The following LPP variants were observed in gnomAD, a reference collection of about 807,000 sequenced individuals.
LPP encodes lipoma-preferred partner.
Under a neutral mutation model 60.4 loss-of-function variants are expected in LPP, and 38 were observed. The observed-to-expected ratio is 0.63, with a 90% CI of 0.49 to 0.83. The LOEUF (loss-of-function observed/expected upper bound fraction) is 0.83. Ranked by LOEUF, LPP falls within the 40% of genes least tolerant of loss-of-function variation. LPP has a pLI of 0.00. For missense variants in LPP, 902 were observed against 783.6 expected (o/e 1.15, Z -1.80); for synonymous variants, 328 against 290.8 (o/e 1.13, Z -1.30).
chr3:188,485,747 A>C (rs992352338), intron 5 of LPP, among the ~76,000 whole-genome samples: 9 of 132,108 alleles, frequency 6.8e-5, no homozygotes, highest in Non-Finnish European at 1.3e-4. Context: ...CAGTGAGCCG[A>C]GATCGCACCA....
intron 9 of LPP, among the ~76,000 whole-genome samples, chr3:188,851,945 T>G (rs768754750): frequency 2.4e-4 from 37 of 152,126 alleles, no homozygotes; most frequent in Non-Finnish European, 5.1e-4. Flanking sequence ...GGCAGATCAC[T>G]TGAGGCCGGG....
At chr3:188,350,160 A>C (rs1489308688) in intron 3 of LPP, among the ~76,000 whole-genome samples, 1 of 152,164 alleles carries the variant, frequency 6.6e-6, no homozygotes, top group Non-Finnish European at 1.5e-5. Flanking sequence ...CATTTACTCA[A>C]CACCTACAAG....
At chr3:188,354,897 T>G (rs1459022482) in intron 3 of LPP, among the ~76,000 whole-genome samples, 6 of 152,124 alleles carry the variant, frequency 3.9e-5, no homozygotes, top group Admixed American at 3.9e-4. Context: ...CTTCCTCAAT[T>G]CAAACCTGTC....
At chr3:188,800,587 T>C (rs1178152413) in intron 9 of LPP, among the ~76,000 whole-genome samples, 1 of 152,162 alleles carries the variant, frequency 6.6e-6, no homozygotes, top group Non-Finnish European at 1.5e-5. Context: ...GTTTTCCAAG[T>C]CAAAAGTGTA....
At chr3:188,224,002 CT>C (rs1345409467) in intron 1 of LPP, among the ~76,000 whole-genome samples, 1 of 152,146 alleles carries the variant, frequency 6.6e-6, no homozygotes, top group Non-Finnish European at 1.5e-5. Context: ...TACTTAATTT[CT>C]GTCTGCTGTT....
At chr3:188,353,221 C>T (rs1766470850) in intron 3 of LPP, among the ~76,000 whole-genome samples, 1 of 152,164 alleles carries the variant, frequency 6.6e-6, no homozygotes. Context: ...GCCTTTCTCC[C>T]TTCCACTTTT....
chr3:188,717,058 T>C (rs1208442070), intron 8 of LPP, among the ~76,000 whole-genome samples: 4 of 152,196 alleles, frequency 2.6e-5, no homozygotes, highest in African/African-American at 9.7e-5. Flanking sequence ...ATTTGGGATA[T>C]GAAGAAATGA....
chr3:188,678,013 G>A (rs114724532), intron 7 of LPP, among the ~76,000 whole-genome samples: 2,147 of 152,220 alleles, frequency 0.014, 21 homozygotes, highest in Non-Finnish European at 0.021. Flanking sequence ...ATGTGGAAAC[G>A]GCCAAATCTT....
intron 5 of LPP, among the ~76,000 whole-genome samples, chr3:188,492,739 C>T (rs553267878): frequency 1.3e-3 from 205 of 152,090 alleles, no homozygotes; most frequent in Admixed American, 6.2e-3. Flanking sequence ...AAAAATCAAA[C>T]GATGTAGATT....
chr3:188,592,880 TG>T (rs1839204306), intron 6 of LPP, among the ~76,000 whole-genome samples: 1 of 152,072 alleles, frequency 6.6e-6, no homozygotes, highest in Non-Finnish European at 1.5e-5. Flanking sequence ...CACGAGGGCT[TG>T]CCTAGCTCTC....
chr3:188,681,097 A>T (rs181551655), intron 7 of LPP, among the ~76,000 whole-genome samples: 1 of 151,524 alleles, frequency 6.6e-6, no homozygotes, highest in Non-Finnish European at 1.5e-5. Flanking sequence ...CCTGGGTTCA[A>T]GTGATTCTCC....
rs535097340 is a variant in LPP at position 188,885,162 on chromosome 3, C to G, written c.*10683C>G. 1 of 210,696 alleles carries G rather than the reference C, an allele frequency of 4.7e-6. No homozygotes were observed. The highest frequency in any genetic ancestry group is 1.9e-4 in the South Asian group (1 of 5,322). The allele number at this position is 210,696 out of a possible 1,614,324, so 13.1% of individuals were successfully genotyped here. On this transcript the variant is annotated 3_prime_UTR_variant, in exon 12 of 12. Coordinates refer to ENST00000617246, the MANE Select transcript of LPP (RefSeq NM_001375462.1). ...TTATTTCCTCTCATTTCACTCCTTTCATTGTTTGCTATATCCTAAAATATG... is the reference window on the plus strand; with the variant it reads ...TTATTTCCTCTCATTTCACTCCTTTGATTGTTTGCTATATCCTAAAATATG...
chr3:188,416,963 A>G (rs1560376607), intron 4 of LPP, among the ~76,000 whole-genome samples: 3 of 152,142 alleles, frequency 2.0e-5, no homozygotes, highest in Admixed American at 6.6e-5. Context: ...CAAATATACC[A>G]TATAAAGAAA....
In LPP at chr3:188,392,437, G is replaced by A. The variant is rs7613573; in HGVS notation, c.-9-13675G>A. 4.6e-3 allele frequency among the ~76,000 whole-genome samples: 697 copies of A among 152,144 alleles called. 9 individuals carry two copies. The highest frequency in any genetic ancestry group is 0.015 in the African/African-American group (637 of 41,494). Reference sequence around the variant, plus strand: ...CTACCTTCTATGCTGTTGCTCCCTCGCTGCACTGTTTTGACCCCACTTTCC... The same window carrying A: ...CTACCTTCTATGCTGTTGCTCCCTCACTGCACTGTTTTGACCCCACTTTCC... On this transcript the variant is annotated intron_variant, in intron 3 of 11. Coordinates refer to ENST00000617246, the MANE Select transcript of LPP (RefSeq NM_001375462.1).
chr3:188,626,222 A>T lies in LPP; in HGVS notation c.1113+16378A>T, dbSNP rs115378115. Among the ~76,000 whole-genome samples the T allele has an allele frequency of 5.3e-3, 802 of 152,298 alleles. 2 individuals are homozygous for T. Among genetic ancestry groups the T allele is most frequent in the Middle Eastern group, 0.01 (3 of 294 alleles). The stretch of plus-strand genomic sequence containing the variant: ...CCAACTGCCAATGGAAAGTGTTTGT[A>T]AAAAATAACAAGTAACAATAAAATA... On this transcript the variant is annotated intron_variant, in intron 7 of 11. Coordinates refer to ENST00000617246, the MANE Select transcript of LPP (RefSeq NM_001375462.1).
At chr3:188,350,439 G>C (rs1356137653) in intron 3 of LPP, among the ~76,000 whole-genome samples, 3 of 152,196 alleles carry the variant, frequency 2.0e-5, no homozygotes, top group Non-Finnish European at 4.4e-5. Context: ...CTTGCAGTGG[G>C]ACTCGGAAGC....
chr3:188,834,845 G>T (rs1367115182), intron 9 of LPP, among the ~76,000 whole-genome samples: 1 of 152,184 alleles, frequency 6.6e-6, no homozygotes, highest in African/African-American at 2.4e-5. Flanking sequence ...GTCAGCAGCT[G>T]CCAATTTACA....
At chr3:188,190,134 T>C (rs1577195984) in intron 1 of LPP, among the ~76,000 whole-genome samples, 1 of 151,474 alleles carries the variant, frequency 6.6e-6, no homozygotes, top group Non-Finnish European at 1.5e-5. Context: ...TGACTCACTG[T>C]AACCTCTGCC....
intron 9 of LPP, among the ~76,000 whole-genome samples, chr3:188,797,050 G>T (rs901151519): frequency 6.6e-6 from 1 of 152,066 alleles, no homozygotes; most frequent in African/African-American, 2.4e-5. Flanking sequence ...CAACAAATTG[G>T]TTGGTTTTAT....
Sources: gnomAD v4.1 joint callset for allele counts (sites outside exome capture counted in the v4.1 genomes callset) on GRCh38, gnomAD v4.1.1 for gene constraint, MANE v1.5 for transcripts, NCBI Gene and HGNC (gene_info 2026-07-23, HGNC 2026-07-21) for gene names.